The following ALK variants were observed in gnomAD, a reference collection of about 807,000 sequenced individuals.
The protein encoded by ALK is ALK receptor tyrosine kinase.
Under a neutral mutation model 163.1 loss-of-function variants are expected in ALK, and 74 were observed. That is an observed-to-expected ratio of 0.45 (90% confidence interval 0.38 to 0.55). The LOEUF (loss-of-function observed/expected upper bound fraction) is 0.55. Among genes scored for constraint, ALK ranks in the 20% least tolerant of loss-of-function variants. The pLI is 0.00. For synonymous variants in ALK, 960 were observed against 843.2 expected, an observed-to-expected ratio of 1.14 and a Z score of -2.40; for missense variants, 2,063 against 2,105.3, an observed-to-expected ratio of 0.98 and a Z score of 0.39.
chr2:29,676,506 T>A (rs1295295366), intron 3 of ALK, among the ~76,000 whole-genome samples: 3 of 152,068 alleles, frequency 2.0e-5, no homozygotes, highest in Non-Finnish European at 2.9e-5. Context: ...TCATTTCTGT[T>A]CCATTGGTAT....
intron 11 of ALK, among the ~76,000 whole-genome samples, chr2:29,272,987 A>G (rs1277329951): frequency 1.3e-5 from 2 of 152,232 alleles, no homozygotes; most frequent in African/African-American, 4.8e-5. Flanking sequence ...GGCCTGTGTG[A>G]GGACAAGCTG....
At chr2:29,275,568 G>A (rs1665520529) in intron 9 of ALK, 72 bp from the exon 10 acceptor site, 3 of 1,491,862 alleles carry the variant, frequency 2.0e-6, no homozygotes, top group South Asian at 1.1e-5. Flanking sequence ...GCATCCAGCA[G>A]GTGTGTGCTG....
intron 1 of ALK, among the ~76,000 whole-genome samples, chr2:29,731,949 A>G (rs1042207360): frequency 6.6e-6 from 1 of 152,094 alleles, no homozygotes; most frequent in Admixed American, 6.5e-5. Flanking sequence ...AATTTCTCAT[A>G]CTCAGCAGTG....
chr2:29,222,720 G>GTAAC (rs1669841045), intron 20 of ALK, 113 bp from the exon 21 acceptor site: 1 of 861,252 alleles, frequency 1.2e-6, no homozygotes, highest in African/African-American at 1.7e-5. Flanking sequence ...AGAGGCGGGG[G>GTAAC]TAACATACAC....
At chr2:29,269,708 C>T (rs1034130767) in intron 11 of ALK, among the ~76,000 whole-genome samples, 1 of 152,162 alleles carries the variant, frequency 6.6e-6, no homozygotes, top group African/African-American at 2.4e-5. Context: ...TGAGGTTAAT[C>T]AGCAGGGCAG....
rs112931686 is a variant in ALK at position 29,863,540 on chromosome 2, G to A, written c.667+56453C>T. On this transcript the variant is annotated intron_variant, in intron 1 of 28. Transcript: ENST00000389048. ...TTTTAAATGCTCACATCCACTAACC[G>A]TCAGGGAAACACAAACTAAAACCAC... Among the ~76,000 whole-genome samples the A allele has an allele frequency of 3.7e-3, 561 of 152,044 alleles. 6 individuals carry two copies. Among genetic ancestry groups the A allele is most frequent in the African/African-American group, 0.013 (532 of 41,464 alleles).
intron 1 of ALK, among the ~76,000 whole-genome samples, chr2:29,752,894 C>A (rs2148332043): frequency 6.6e-6 from 1 of 152,264 alleles, no homozygotes; most frequent in East Asian, 1.9e-4. Context: ...TGGACTGGTA[C>A]AAGGGAAGGG....
At chr2:29,729,564 ACGAGCAC>A (rs1679676563) in intron 1 of ALK, among the ~76,000 whole-genome samples, 1 of 152,200 alleles carries the variant, frequency 6.6e-6, no homozygotes, top group Admixed American at 6.5e-5. Context: ...CACCATACAG[ACGAGCAC>A]CCTGGAATTA....
intron 1 of ALK, among the ~76,000 whole-genome samples, chr2:29,832,971 T>G: frequency 6.6e-6 from 1 of 151,766 alleles, no homozygotes; most frequent in East Asian, 1.9e-4. Flanking sequence ...CAAAGAGAAG[T>G]AGGGAGAGGG....
rs1350636181 is a variant in ALK at position 29,208,081 on chromosome 2, T to C, written c.3837-809A>G. Reference sequence around the variant, plus strand: ...CTGAGGACATAAATAGGTCAGTCTCTCTCTCCCAAGGATATTGTTTAGTGG... The same window carrying C: ...CTGAGGACATAAATAGGTCAGTCTCCCTCTCCCAAGGATATTGTTTAGTGG... On this transcript the variant is annotated intron_variant, in intron 25 of 28. Transcript: ENST00000389048. 12 of 454,106 alleles carry C rather than the reference T, an allele frequency of 2.6e-5. No individual in the cohort carries two copies. The East Asian group carries it at 7.7e-4, about 29-fold the overall frequency. 28.1% of individuals were successfully genotyped at this position (454,106 alleles called of 1,614,324 possible). A position where few individuals can be genotyped will look rare whatever the true frequency, so the allele number is the denominator to read the frequency against.
At chr2:29,619,151 A>G (rs879727664) in intron 3 of ALK, among the ~76,000 whole-genome samples, 1 of 152,208 alleles carries the variant, frequency 6.6e-6, no homozygotes, top group Non-Finnish European at 1.5e-5. Flanking sequence ...CTGACTTGCA[A>G]TAGTACCAAG....
At chr2:29,390,405 A>G (rs1019043817) in intron 4 of ALK, among the ~76,000 whole-genome samples, 1 of 152,198 alleles carries the variant, frequency 6.6e-6, no homozygotes, top group Non-Finnish European at 1.5e-5. Context: ...GATGATTATT[A>G]TCAAGCATAA....
intron 3 of ALK, among the ~76,000 whole-genome samples, chr2:29,582,180 A>G (rs539432986): frequency 2.6e-5 from 4 of 152,206 alleles, no homozygotes; most frequent in Non-Finnish European, 5.9e-5. Flanking sequence ...GAAGAAGAGG[A>G]TGAGTGCCTA....
intron 5 of ALK, among the ~76,000 whole-genome samples, chr2:29,343,191 T>G (rs1424434043): frequency 6.9e-6 from 1 of 145,128 alleles, no homozygotes; most frequent in Non-Finnish European, 1.5e-5. Context: ...TGGCCGATCT[T>G]TTTTTTAAAA....
At chr2:29,305,212 G>A (rs779062556) in intron 8 of ALK, among the ~76,000 whole-genome samples, 11 of 152,190 alleles carry the variant, frequency 7.2e-5, no homozygotes, top group Non-Finnish European at 1.6e-4. Flanking sequence ...TAGAGGGGGC[G>A]ATTTTCCTGC....
chr2:29,631,248 C>T (rs1208482693), intron 3 of ALK, among the ~76,000 whole-genome samples: 1 of 152,186 alleles, frequency 6.6e-6, no homozygotes, highest in Non-Finnish European at 1.5e-5. Context: ...TAGGCTATAT[C>T]TCATGATGAG....
chr2:29,820,381 C>G (rs532469837), intron 1 of ALK, among the ~76,000 whole-genome samples: 13 of 152,268 alleles, frequency 8.5e-5, no homozygotes, highest in Admixed American at 2.6e-4. Context: ...TGACTGCAAC[C>G]TCAGAAAAGA....
intron 4 of ALK, among the ~76,000 whole-genome samples, chr2:29,394,867 T>C (rs1573314640): frequency 2.0e-5 from 3 of 152,080 alleles, no homozygotes; most frequent in South Asian, 2.1e-4. Flanking sequence ...GTCAATGCAG[T>C]AGGTTTTTTT....
At chr2:29,811,960 AG>A (rs1447119432) in intron 1 of ALK, among the ~76,000 whole-genome samples, 1 of 152,248 alleles carries the variant, frequency 6.6e-6, no homozygotes, top group Non-Finnish European at 1.5e-5. Context: ...TGCAAGGGGC[AG>A]GAAAACTGAA....
Sources: allele counts gnomAD v4.1 joint callset (sites outside exome capture counted in the v4.1 genomes callset), GRCh38; gene constraint gnomAD v4.1.1; transcripts MANE v1.5; gene names NCBI Gene and HGNC (gene_info 2026-07-23, HGNC 2026-07-21).